Variants in NFIC observed in about 807,000 individuals in gnomAD.
NFIC encodes the protein nuclear factor 1 C-type.
In NFIC, 12 loss-of-function variants were observed where a neutral mutation model predicts 54.4. The ratio of observed to expected loss-of-function variants is 0.22; its 90% CI spans 0.14 to 0.36. The LOEUF is 0.36. Ranked by LOEUF, NFIC falls within the 10% of genes least tolerant of loss-of-function variation. The probability of loss-of-function intolerance (pLI) is 1.00; values close to 1 mark genes in which losing one functional copy is unlikely to be tolerated. For missense variants in NFIC, 575 were observed against 718.2 expected, an observed-to-expected ratio of 0.80 and a Z score of 2.28; for synonymous variants, 322 against 319.2, an observed-to-expected ratio of 1.01 and a Z score of -0.09.
Position 3,453,252 on chromosome 19 carries a change from A to AT in NFIC, c.1270-511_1270-510insT, listed in dbSNP as rs1214033567. On this transcript the variant is annotated intron_variant, in intron 8 of 10. Coordinates refer to ENST00000443272, the MANE Select transcript of NFIC (RefSeq NM_001245002.2). The surrounding 1 kb of genome is among the most constrained non-coding windows in gnomAD (Gnocchi z 6.7). ...AGACCCTGTCTCAAAAAGAAAAAAA[A>AT]GGTTGGGGGGCGGGGGGCAGGAAGA... Among the ~76,000 whole-genome samples, 5 of 151,974 alleles carry AT rather than the reference A, an allele frequency of 3.3e-5. No homozygotes were observed. Among genetic ancestry groups the AT allele is most frequent in the Non-Finnish European group, 5.9e-5 (4 of 67,976 alleles).
chr19:3,398,833 G>A (rs1456026222), intron 2 of NFIC, among the ~76,000 whole-genome samples: 1 of 152,230 alleles, frequency 6.6e-6, no homozygotes, highest in Non-Finnish European at 1.5e-5. Flanking sequence ...GGAGGGGGAG[G>A]CTCTTAAAGG....
chr19:3,408,048 C>G (rs1397764304), intron 2 of NFIC, among the ~76,000 whole-genome samples: 2 of 152,142 alleles, frequency 1.3e-5, no homozygotes, highest in African/African-American at 2.4e-5. Flanking sequence ...CTTTGGTTCT[C>G]TCTTTAGCTG....
At chr19:3,447,156 G>A (rs989150114) in intron 6 of NFIC, among the ~76,000 whole-genome samples, 1 of 151,904 alleles carries the variant, frequency 6.6e-6, no homozygotes, top group Non-Finnish European at 1.5e-5. Context: ...AAAATGACCC[G>A]GGCGTGGTGG....
chr19:3,384,719 C>T (rs1372061911), intron 2 of NFIC, among the ~76,000 whole-genome samples: 1 of 152,146 alleles, frequency 6.6e-6, no homozygotes, highest in Non-Finnish European at 1.5e-5. Context: ...ATTCTTTGAC[C>T]TTGACCTTAG....
At chr19:3,380,726 G>A (rs893783615) in intron 1 of NFIC, among the ~76,000 whole-genome samples, 1 of 150,306 alleles carries the variant, frequency 6.7e-6, no homozygotes, top group African/African-American at 2.5e-5. Context: ...TAAACTCCTG[G>A]GCTCAAATGA....
chr19:3,373,050 G>A (rs968957932), intron 1 of NFIC, among the ~76,000 whole-genome samples: 2 of 152,030 alleles, frequency 1.3e-5, no homozygotes, highest in African/African-American at 4.8e-5. Flanking sequence ...TCACCATGTT[G>A]GCCAGGCTGG....
At chr19:3,413,175 C>A (rs1217895997) in intron 2 of NFIC, among the ~76,000 whole-genome samples, 1 of 152,054 alleles carries the variant, frequency 6.6e-6, no homozygotes, top group Non-Finnish European at 1.5e-5. Flanking sequence ...TCTTGAACTC[C>A]CGACCTCAGG....
intron 2 of NFIC, among the ~76,000 whole-genome samples, chr19:3,415,267 C>A (rs1182387018): frequency 6.6e-6 from 1 of 151,886 alleles, no homozygotes; most frequent in Non-Finnish European, 1.5e-5. Context: ...TGCATGCCAG[C>A]ACACCCAGCT....
At chr19:3,428,926 G>A (rs991727128) in intron 3 of NFIC, among the ~76,000 whole-genome samples, 1 of 151,874 alleles carries the variant, frequency 6.6e-6, no homozygotes, top group Non-Finnish European at 1.5e-5. Flanking sequence ...GTCCTCTTCA[G>A]AATGCGTGGC....
chr19:3,443,667 A>G (rs1424735049), intron 6 of NFIC, among the ~76,000 whole-genome samples: 1 of 152,074 alleles, frequency 6.6e-6, no homozygotes, highest in Non-Finnish European at 1.5e-5. Flanking sequence ...GAATCCTCTA[A>G]GACAGAGGAT....
In NFIC at chr19:3,463,324, G is replaced by A. The variant is rs1033946784; in HGVS notation, c.*555G>A. On this transcript the variant is annotated 3_prime_UTR_variant, in exon 11 of 11. Transcript: ENST00000443272. ...CGGCCCCTCAGCCCCCACCGAGGAC[G>A]CAGCCACTGGGGGGAAAGGGAGACA... 2 of 986,790 alleles carry A rather than the reference G, an allele frequency of 2.0e-6. No individual in the cohort carries two copies. The highest frequency in any genetic ancestry group is 6.1e-5 in the Admixed American group (1 of 16,284). The allele number at this position is 986,790 out of a possible 1,614,324, so 61.1% of individuals were successfully genotyped here.
chr19:3,428,153 A>G (rs2082057103), intron 3 of NFIC, among the ~76,000 whole-genome samples: 1 of 147,894 alleles, frequency 6.8e-6, no homozygotes, highest in Non-Finnish European at 1.5e-5. Context: ...CTGGGCAACA[A>G]GAGTAAAAAC....
chr19:3,440,187 A>G (rs2082271361), intron 6 of NFIC, among the ~76,000 whole-genome samples: 2 of 152,098 alleles, frequency 1.3e-5, no homozygotes, highest in South Asian at 4.2e-4. Flanking sequence ...TGCACTGTGG[A>G]TGTTTGGGGC....
intron 3 of NFIC, among the ~76,000 whole-genome samples, chr19:3,426,987 C>T (rs944627233): frequency 1.0e-4 from 15 of 146,488 alleles, no homozygotes; most frequent in Non-Finnish European, 1.8e-4. Context: ...AGTGCAATGG[C>T]GCAATCTCGG....
chr19:3,430,848 C>T (rs1468337496), intron 3 of NFIC, among the ~76,000 whole-genome samples: 1 of 149,466 alleles, frequency 6.7e-6, no homozygotes, highest in Non-Finnish European at 1.5e-5. Flanking sequence ...AGGAGAATCG[C>T]TTGAACCTGG....
intron 2 of NFIC, among the ~76,000 whole-genome samples, chr19:3,408,235 A>G (rs532379695): frequency 6.6e-6 from 1 of 152,254 alleles, no homozygotes; most frequent in African/African-American, 2.4e-5. Context: ...GCCTTCTGAC[A>G]GCCCGCCGGG....
chr19:3,388,614 G>A (rs922429271), intron 2 of NFIC, among the ~76,000 whole-genome samples: 7 of 152,118 alleles, frequency 4.6e-5, no homozygotes, highest in African/African-American at 1.2e-4. Flanking sequence ...CTTGAGGCCA[G>A]GAGTTCGAGA....
intron 2 of NFIC, among the ~76,000 whole-genome samples, chr19:3,406,991 G>A (rs1440446858): frequency 6.7e-6 from 1 of 150,314 alleles, no homozygotes; most frequent in Non-Finnish European, 1.5e-5. Context: ...GGAGCAGAGT[G>A]AGCGAGGGGG....
At chr19:3,451,756 C>T (rs1022820324) in intron 7 of NFIC, among the ~76,000 whole-genome samples, 13 of 151,244 alleles carry the variant, frequency 8.6e-5, no homozygotes, top group African/African-American at 2.7e-4. Flanking sequence ...CATCTGATGC[C>T]GTGTGGCCCC....
Sources: gnomAD v4.1 joint callset for allele counts (sites outside exome capture counted in the v4.1 genomes callset) on GRCh38, gnomAD v4.1.1 for gene constraint, Gnocchi (gnomAD v3.1) non-coding constraint, MANE v1.5 for transcripts, NCBI Gene and HGNC (gene_info 2026-07-23, HGNC 2026-07-21) for gene names.